Variants in ARHGEF9 observed in about 807,000 individuals in gnomAD.
ARHGEF9 encodes the protein rho guanine nucleotide exchange factor 9.
In ARHGEF9, 2 loss-of-function variants were observed where a neutral mutation model predicts 41.3. That is an observed-to-expected ratio of 0.05 (90% CI 0.02 to 0.15). ARHGEF9 has a LOEUF of 0.15. ARHGEF9 is among the 10% of genes least tolerant of loss of function. The pLI is 1.00. For synonymous variants in ARHGEF9, 160 were observed against 154.4 expected, an observed-to-expected ratio of 1.04 and a Z score of -0.27; for missense variants, 225 against 424.7, an observed-to-expected ratio of 0.53 and a Z score of 4.13.
At chrX:63,655,759 T>C (rs2048835621) in intron 7 of ARHGEF9, 22 bp from the exon 8 acceptor site, 5 of 1,202,448 alleles carry the variant, frequency 4.2e-6, no homozygotes, top group African/African-American at 1.8e-5. Flanking sequence ...GGAAGAGGTT[T>C]CTTGAAGGTA....
intron 8 of ARHGEF9, 33 bp from the exon 9 acceptor site, chrX:63,644,081 A>G (rs782043134): frequency 9.3e-7 from 1 of 1,074,385 alleles, no homozygotes; most frequent in Middle Eastern, 2.6e-4. Context: ...TTTTTAAATG[A>G]GAAACACACA....
Position 63,636,325 on chromosome X carries a change from G to A in ARHGEF9, c.*1703C>T, listed in dbSNP as rs782537988. 9.0e-6 allele frequency: 1 copy of A among 111,338 alleles called. No individual in the cohort carries two copies. Among genetic ancestry groups the A allele is most frequent in the South Asian group, 3.8e-4 (1 of 2,612 alleles). The allele number at this position is 111,338 out of a possible 1,213,427, so 9.2% of individuals were successfully genotyped here. ...ATCCTTATTCCCTTATACCCTTTTT[G>A]TTGTTCAAGGTCTATCCATGAAAAG... is the stretch of plus-strand genomic sequence containing the variant. On this transcript the variant is annotated 3_prime_UTR_variant, in exon 10 of 10. Coordinates refer to ENST00000671741, the MANE Select transcript of ARHGEF9 (RefSeq NM_001353921.2).
intron 5 of ARHGEF9, 108 bp from the exon 6 acceptor site, chrX:63,674,275 C>G: frequency 2.2e-6 from 2 of 909,846 alleles, no homozygotes; most frequent in Non-Finnish European, 3.1e-6. Context: ...GTAACAGAGT[C>G]CTGATTTTCA....
chrX:63,783,548 G>T (rs2056415976), intron 1 of ARHGEF9, among the ~76,000 whole-genome samples: 1 of 111,810 alleles, frequency 8.9e-6, no homozygotes, highest in Non-Finnish European at 1.9e-5. Flanking sequence ...GGGCGGCCGC[G>T]CCCGGCTTTC....
At chrX:63,666,684 C>T (rs1374834760) in intron 6 of ARHGEF9, among the ~76,000 whole-genome samples, 1 of 110,100 alleles carries the variant, frequency 9.1e-6, no homozygotes, top group Non-Finnish European at 1.9e-5. Flanking sequence ...AACCCACTCC[C>T]CTCTTATAAT....
intron 1 of ARHGEF9, among the ~76,000 whole-genome samples, chrX:63,771,362 T>G (rs1270096266): frequency 8.9e-6 from 1 of 112,178 alleles, no homozygotes; most frequent in Non-Finnish European, 1.9e-5. Context: ...TGACTGGATA[T>G]TATCATTTTT....
intron 2 of ARHGEF9, among the ~76,000 whole-genome samples, chrX:63,713,593 G>A (rs1202021648): frequency 1.8e-5 from 2 of 109,481 alleles, no homozygotes; most frequent in Admixed American, 2.0e-4. Flanking sequence ...TCACCAAAAG[G>A]CCTTTTCTCT....
intron 1 of ARHGEF9, among the ~76,000 whole-genome samples, chrX:63,752,608 C>G (rs1330259157): frequency 9.0e-6 from 1 of 111,396 alleles, no homozygotes; most frequent in Non-Finnish European, 1.9e-5. Context: ...AGAACCAATG[C>G]CAGCAAACCT....
intron 1 of ARHGEF9, among the ~76,000 whole-genome samples, chrX:63,763,291 T>C (rs1296416602): frequency 4.5e-5 from 5 of 111,614 alleles, no homozygotes; most frequent in Non-Finnish European, 9.4e-5. Context: ...TAGAAAGCCA[T>C]TAAGTTTGTG....
At chrX:63,701,603 T>C (rs1556395828) in intron 3 of ARHGEF9, 1 of 111,914 alleles carries the variant, frequency 8.9e-6, no homozygotes, top group African/African-American at 3.3e-5. Flanking sequence ...GTGGTTTTCT[T>C]TTATTTCCTT....
intron 1 of ARHGEF9, among the ~76,000 whole-genome samples, chrX:63,749,221 CTTTT>C (rs1366764829): frequency 2.7e-5 from 3 of 111,571 alleles, no homozygotes; most frequent in African/African-American, 6.5e-5. Context: ...TCCTTTCTTT[CTTTT>C]GTTTCCTTTT....
chrX:63,752,639 T>C (rs2055722268), intron 1 of ARHGEF9, among the ~76,000 whole-genome samples: 1 of 111,524 alleles, frequency 9.0e-6, no homozygotes, highest in Non-Finnish European at 1.9e-5. Context: ...GTTTACACCA[T>C]GGTACTAATC....
intron 8 of ARHGEF9, among the ~76,000 whole-genome samples, chrX:63,649,703 A>G (rs2048401752): frequency 8.9e-6 from 1 of 111,795 alleles, no homozygotes; most frequent in Admixed American, 9.5e-5. Flanking sequence ...CAAGACTAAT[A>G]AAGAAGAAAA....
rs2047283402 is a variant in ARHGEF9, at chrX:63,635,662, T to C, written c.*2366A>G. 1.6e-5 allele frequency: 5 copies of C among 307,684 alleles called. No homozygotes were observed. Among genetic ancestry groups the C allele is most frequent in the African/African-American group, 1.4e-4 (5 of 35,269 alleles). 25.4% of individuals were successfully genotyped at this position (307,684 alleles called of 1,213,427 possible). A position where few individuals can be genotyped will look rare whatever the true frequency, so the allele number is the denominator to read the frequency against. On this transcript the variant is annotated 3_prime_UTR_variant, in exon 10 of 10. Transcript: ENST00000671741. ...TAGAGGAGAAGTGCGGGTTGAGAAG[T>C]AATATCCCTGATCCTGGAGCCCTGG...
chrX:63,741,622 G>C (rs2054953731), intron 1 of ARHGEF9, among the ~76,000 whole-genome samples: 1 of 112,620 alleles, frequency 8.9e-6, no homozygotes, highest in African/African-American at 3.2e-5. Context: ...AGGTATAGGA[G>C]TGCATGTCCT....
rs145803909 is a variant in ARHGEF9, at chrX:63,685,951, A to G, written c.583-7379T>C. On this transcript the variant is annotated intron_variant, in intron 4 of 9. Transcript: ENST00000671741. Reference sequence around the variant, plus strand: ...AAATAAAGCGATAAACTGGATTTCAATAAAATTAAGATACTCTTAAAACTA... The same window carrying G: ...AAATAAAGCGATAAACTGGATTTCAGTAAAATTAAGATACTCTTAAAACTA... 5.8e-3 allele frequency among the ~76,000 whole-genome samples: 654 copies of G among 112,207 alleles called. 6 individuals are homozygous for G. Among genetic ancestry groups the G allele is most frequent in the African/African-American group, 0.02 (614 of 31,001 alleles).
chrX:63,674,353 G>C (rs2050131507), intron 5 of ARHGEF9, among the ~76,000 whole-genome samples, 186 bp from the exon 6 acceptor site: 1 of 112,253 alleles, frequency 8.9e-6, no homozygotes, highest in Non-Finnish European at 1.9e-5. Flanking sequence ...GACTATGCAA[G>C]TAAGTTTTGT....
chrX:63,652,336 T>TAG (rs377132969), intron 8 of ARHGEF9, among the ~76,000 whole-genome samples: 2 of 111,812 alleles, frequency 1.8e-5, no homozygotes, highest in African/African-American at 3.2e-5. Context: ...GGTTGCTTCT[T>TAG]TACTGAACAC....
chrX:63,738,428 T>C (rs1292749859), intron 1 of ARHGEF9, among the ~76,000 whole-genome samples: 1 of 111,748 alleles, frequency 8.9e-6, no homozygotes, highest in Non-Finnish European at 1.9e-5. Context: ...ATAAGGTATC[T>C]ATGGTCAAAA....
Sources: allele counts gnomAD v4.1 joint callset (sites outside exome capture counted in the v4.1 genomes callset), GRCh38; gene constraint gnomAD v4.1.1; transcripts MANE v1.5; gene names NCBI Gene and HGNC (gene_info 2026-07-23, HGNC 2026-07-21).